Variants in GALNTL6 observed in about 807,000 individuals in gnomAD.
GALNTL6 encodes the protein polypeptide N-acetylgalactosaminyltransferase-like 6.
GALNTL6 carries 46 observed loss-of-function variants against 73.7 expected under a neutral mutation model. The ratio of observed to expected loss-of-function variants is 0.62; its 90% CI spans 0.49 to 0.80. GALNTL6 has a LOEUF of 0.80. GALNTL6 is among the 30% of genes least tolerant of loss of function. The pLI is 0.00. For missense variants in GALNTL6, 604 were observed against 755.0 expected, an observed-to-expected ratio of 0.80 and a Z score of 2.34; for synonymous variants, 259 against 263.7, an observed-to-expected ratio of 0.98 and a Z score of 0.17.
chr4:172,685,949 TA>T lies in GALNTL6; in HGVS notation c.554-123409del, dbSNP rs576072048. ...TATGCCATCTGTCCAAGTTAGATATTAAACATAAGGATAACCTTGCTTAGGT... is the reference window on the plus strand; with the variant it reads ...TATGCCATCTGTCCAAGTTAGATATTAACATAAGGATAACCTTGCTTAGGT... On this transcript the variant is annotated intron_variant, in intron 5 of 12. Transcript: ENST00000506823. 2.6e-3 allele frequency among the ~76,000 whole-genome samples: 390 copies of T among 152,312 alleles called. 19 individuals are homozygous for T. The South Asian group carries it at 0.079, about 31-fold the overall frequency.
At chr4:172,464,859 G>A (rs1163453466) in intron 5 of GALNTL6, among the ~76,000 whole-genome samples, 1 of 151,808 alleles carries the variant, frequency 6.6e-6, no homozygotes, top group Non-Finnish European at 1.5e-5. Flanking sequence ...CTGATATATA[G>A]GTTTTAATAT....
chr4:172,741,259 G>A (rs1736788311), intron 5 of GALNTL6, among the ~76,000 whole-genome samples: 1 of 152,030 alleles, frequency 6.6e-6, no homozygotes, highest in African/African-American at 2.4e-5. Context: ...CTGGTGCTTT[G>A]GGTATCTCTG....
At chr4:172,485,691 G>A (rs927741390) in intron 5 of GALNTL6, among the ~76,000 whole-genome samples, 9 of 152,106 alleles carry the variant, frequency 5.9e-5, no homozygotes, top group Admixed American at 4.6e-4. Flanking sequence ...TTTGGAGTAA[G>A]ATATGTTCCA....
chr4:172,036,819 A>C (rs957152164), intron 2 of GALNTL6, among the ~76,000 whole-genome samples: 5 of 152,102 alleles, frequency 3.3e-5, no homozygotes, highest in African/African-American at 9.7e-5. Context: ...GGTTATTCTT[A>C]TTGACTGGTA....
intron 5 of GALNTL6, among the ~76,000 whole-genome samples, chr4:172,766,467 G>A (rs766696193): frequency 2.6e-5 from 4 of 151,874 alleles, no homozygotes; most frequent in African/African-American, 4.8e-5. Context: ...CTGTGGATGC[G>A]TTCAATGTCT....
intron 5 of GALNTL6, among the ~76,000 whole-genome samples, chr4:172,725,507 T>A (rs1158017895): frequency 2.0e-5 from 3 of 152,216 alleles, no homozygotes; most frequent in African/African-American, 7.2e-5. Context: ...CTGGAGAGAC[T>A]CTTTATCAAA....
At chr4:171,840,731 C>A (rs1056798455) in intron 2 of GALNTL6, among the ~76,000 whole-genome samples, 14 of 152,102 alleles carry the variant, frequency 9.2e-5, no homozygotes, top group African/African-American at 3.4e-4. Flanking sequence ...CAATATATAA[C>A]TTTCCAGGGC....
rs1356843881 is a variant in GALNTL6 at position 172,069,497 on chromosome 4, T to C, written c.139-160159T>C. Among the ~76,000 whole-genome samples, 3 of 57,968 alleles carry C rather than the reference T, an allele frequency of 5.2e-5. 1 individual carries two copies. Among genetic ancestry groups the C allele is most frequent in the African/African-American group, 1.2e-4 (2 of 16,794 alleles). The allele number at this position is 57,968 out of a possible 152,430, so 38.0% of individuals were successfully genotyped here. On this transcript the variant is annotated intron_variant, in intron 2 of 12. Transcript: ENST00000506823. The stretch of plus-strand genomic sequence containing the variant: ...TATGTTATATATAACACATATGTTA[T>C]ATGTATAACACATATATGTTATATG...
rs180887407 is a variant in GALNTL6 at position 171,918,882 on chromosome 4, C to T, written c.138+104164C>T. 1.7e-3 allele frequency among the ~76,000 whole-genome samples: 253 copies of T among 152,070 alleles called. 1 individual carries two copies. The highest frequency in any genetic ancestry group is 5.8e-3 in the African/African-American group (240 of 41,520). On this transcript the variant is annotated intron_variant, in intron 2 of 12. Coordinates refer to ENST00000506823, the MANE Select transcript of GALNTL6 (RefSeq NM_001034845.3). ...GGACATATGCTAAATGAAATAAGCC[C>T]GTCACAGAAAGACAATTACTGCATG...
chr4:172,602,039 T>A (rs1233263664), intron 5 of GALNTL6, among the ~76,000 whole-genome samples: 1 of 151,752 alleles, frequency 6.6e-6, no homozygotes, highest in Non-Finnish European at 1.5e-5. Context: ...AAACCAATAC[T>A]GAAGACAATA....
chr4:171,982,505 A>T (rs1045227083), intron 2 of GALNTL6, among the ~76,000 whole-genome samples: 14 of 151,902 alleles, frequency 9.2e-5, no homozygotes, highest in Admixed American at 8.5e-4. Flanking sequence ...TCACTGTCTT[A>T]GCCAGGATGG....
At chr4:172,244,516 A>G (rs1363082012) in intron 3 of GALNTL6, among the ~76,000 whole-genome samples, 5 of 152,162 alleles carry the variant, frequency 3.3e-5, no homozygotes, top group African/African-American at 9.6e-5. Flanking sequence ...GCAAGTATGC[A>G]TAAGATTATT....
chr4:172,883,816 G>T (rs1054227203), intron 8 of GALNTL6, among the ~76,000 whole-genome samples: 1 of 149,976 alleles, frequency 6.7e-6, no homozygotes, highest in Admixed American at 6.7e-5. Flanking sequence ...CCAGCCTCTG[G>T]TAACCACCAA....
chr4:172,671,627 C>G (rs1283396116), intron 5 of GALNTL6, among the ~76,000 whole-genome samples: 2 of 152,192 alleles, frequency 1.3e-5, no homozygotes, highest in Non-Finnish European at 2.9e-5. Flanking sequence ...TTGACTTCCT[C>G]TCTTCCTATT....
chr4:172,817,238 C>CAA (rs960027569), intron 7 of GALNTL6, among the ~76,000 whole-genome samples: 1 of 151,616 alleles, frequency 6.6e-6, no homozygotes, highest in African/African-American at 2.4e-5. Context: ...CGAGCCTGGG[C>CAA]AACATAGCAA....
intron 2 of GALNTL6, among the ~76,000 whole-genome samples, chr4:171,829,652 T>A (rs1271818317): frequency 2.0e-5 from 3 of 152,130 alleles, no homozygotes; most frequent in Non-Finnish European, 4.4e-5. Flanking sequence ...TCTCCCATGT[T>A]TGCATTAGAT....
chr4:173,014,465 G>A (rs1285902451), intron 11 of GALNTL6, among the ~76,000 whole-genome samples: 3 of 152,140 alleles, frequency 2.0e-5, no homozygotes, highest in Non-Finnish European at 4.4e-5. Flanking sequence ...CCCAGCTTTC[G>A]TCCTCCCGAG....
chr4:172,785,849 T>C (rs1186198858), intron 5 of GALNTL6, among the ~76,000 whole-genome samples: 1 of 152,140 alleles, frequency 6.6e-6, no homozygotes, highest in Non-Finnish European at 1.5e-5. Context: ...GGCTTATGTT[T>C]TCTGTATGTG....
intron 5 of GALNTL6, among the ~76,000 whole-genome samples, chr4:172,472,936 G>A (rs949184858): frequency 2.0e-5 from 3 of 152,252 alleles, no homozygotes; most frequent in South Asian, 2.1e-4. Context: ...GGAGGAGAGT[G>A]TTTAGCGTTT....
Sources: allele counts gnomAD v4.1 joint callset (sites outside exome capture counted in the v4.1 genomes callset), GRCh38; gene constraint gnomAD v4.1.1; transcripts MANE v1.5; gene names NCBI Gene and HGNC (gene_info 2026-07-23, HGNC 2026-07-21).